Variants in TSC22D1 observed in about 807,000 individuals in gnomAD.
TSC22D1 encodes TSC22 domain family protein 1.
A neutral mutation model predicts 74.2 loss-of-function variants in TSC22D1; 9 were observed. The observed-to-expected ratio is 0.12, with a 90% CI of 0.07 to 0.21. The LOEUF is 0.21. TSC22D1 is among the 10% of genes least tolerant of loss of function. TSC22D1 has a pLI of 1.00. For missense variants in TSC22D1, 1,427 were observed against 1,304.7 expected (o/e 1.09, Z -1.44); for synonymous variants, 586 against 492.5 (o/e 1.19, Z -2.51).
chr13:44,517,852 T>TAC (rs1880112926), intron 1 of TSC22D1, among the ~76,000 whole-genome samples: 1 of 43,602 alleles, frequency 2.3e-5, no homozygotes, highest in Non-Finnish European at 6.0e-5. Flanking sequence ...TATATATATA[T>TAC]ATATATTTTT....
At chr13:44,504,664 T>A (rs1317947096) in intron 1 of TSC22D1, among the ~76,000 whole-genome samples, 1 of 151,596 alleles carries the variant, frequency 6.6e-6, no homozygotes. Flanking sequence ...ATGAAATGTC[T>A]GCCCCAATGA....
rs1880542760 is a variant in TSC22D1 at position 44,526,286 on chromosome 13, A to G, written c.2912+46877T>C. ...TGCTAAGGGCTCTAGTGGAAAAAGT[A>G]GAGAACATGTTAAGAATTGATGGGT... On this transcript the variant is annotated intron_variant, in intron 1 of 2. Transcript: ENST00000458659. 4.6e-5 allele frequency among the ~76,000 whole-genome samples: 7 copies of G among 152,330 alleles called. No homozygotes were observed. In the South Asian group the frequency reaches 1.4e-3, roughly 32 times the overall value.
chr13:44,442,909 T>A, intron 1 of TSC22D1, among the ~76,000 whole-genome samples: 1 of 66,256 alleles, frequency 1.5e-5, no homozygotes, highest in Non-Finnish European at 2.9e-5. Context: ...AGAGCGAGAC[T>A]CTGTCAAAAA....
At chr13:44,550,952 T>A (rs1377592860) in intron 1 of TSC22D1, among the ~76,000 whole-genome samples, 20 of 138,090 alleles carry the variant, frequency 1.4e-4, no homozygotes, top group East Asian at 1.3e-3. Context: ...AAAAAAAAAA[T>A]AAAAATAAAC....
chr13:44,524,428 C>G (rs921338619), intron 1 of TSC22D1, among the ~76,000 whole-genome samples: 1 of 152,132 alleles, frequency 6.6e-6, no homozygotes. Context: ...ATTGCTGAAG[C>G]CAACAACTGG....
At chr13:44,547,164 G>A (rs1156706827) in intron 1 of TSC22D1, among the ~76,000 whole-genome samples, 1 of 151,860 alleles carries the variant, frequency 6.6e-6, no homozygotes, top group African/African-American at 2.4e-5. Flanking sequence ...TACTCGACAC[G>A]CCTATGGAAT....
At chr13:44,499,978 T>C (rs1357058438) in intron 1 of TSC22D1, among the ~76,000 whole-genome samples, 1 of 151,590 alleles carries the variant, frequency 6.6e-6, no homozygotes. Context: ...TCCCAGCTAC[T>C]TGGGAGGCTG....
rs1884228166 is a variant in TSC22D1 at position 44,576,125 on chromosome 13, C to T, written c.-51G>A. On this transcript the variant is annotated 5_prime_UTR_variant, in exon 1 of 3. It adds an upstream start codon to the 5' untranslated region. Coordinates refer to ENST00000458659, the MANE Select transcript of TSC22D1 (RefSeq NM_183422.4). ...GAGACGAGTGCAATTTCCTTCTGCACCGTAATCTTTGTATTGGAGACGCCG... is the reference window on the plus strand; with the variant it reads ...GAGACGAGTGCAATTTCCTTCTGCATCGTAATCTTTGTATTGGAGACGCCG... The T allele has an allele frequency of 1.4e-6, 2 of 1,449,816 alleles. No individual in the cohort carries two copies. The highest frequency in any genetic ancestry group is 2.3e-4 in the Middle Eastern group (1 of 4,286). 89.8% of individuals were successfully genotyped at this position (1,449,816 alleles called of 1,614,324 possible). A position where few individuals can be genotyped will look rare whatever the true frequency, so the allele number is the denominator to read the frequency against.
intron 1 of TSC22D1, among the ~76,000 whole-genome samples, chr13:44,501,985 T>A (rs775707635): frequency 1.3e-5 from 2 of 152,178 alleles, no homozygotes; most frequent in African/African-American, 4.8e-5. Flanking sequence ...AAAAGGTGTA[T>A]CAGTTTACAC....
chr13:44,455,216 G>A (rs145021202), intron 1 of TSC22D1, among the ~76,000 whole-genome samples: 10 of 152,310 alleles, frequency 6.6e-5, no homozygotes, highest in Non-Finnish European at 1.2e-4. Context: ...GAGAAAATGA[G>A]TTTTGAGTAA....
intron 1 of TSC22D1, among the ~76,000 whole-genome samples, chr13:44,513,048 C>A (rs1050647870): frequency 2.0e-5 from 3 of 152,202 alleles, no homozygotes; most frequent in Non-Finnish European, 4.4e-5. Context: ...CACCTCCAGT[C>A]CTAACTTTCA....
At chr13:44,517,829 G>GTGTGTATATA (rs1271183064) in intron 1 of TSC22D1, among the ~76,000 whole-genome samples, 17 of 14,120 alleles carry the variant, frequency 1.2e-3, no homozygotes, top group East Asian at 3.0e-3. Flanking sequence ...GTGTGTGTGT[G>GTGTGTATATA]TATATATATA....
chr13:44,530,169 A>G (rs1356998603), intron 1 of TSC22D1, among the ~76,000 whole-genome samples: 1 of 152,174 alleles, frequency 6.6e-6, no homozygotes, highest in African/African-American at 2.4e-5. Context: ...CTTAGTAAAA[A>G]GCTTCAGTAT....
rs907337899 is a variant in TSC22D1 at position 44,433,103 on chromosome 13, T to C, written c.*1523A>G. 3.3e-5 allele frequency: 5 copies of C among 152,332 alleles called. No individual in the cohort carries two copies. Among genetic ancestry groups the C allele is most frequent in the Non-Finnish European group, 5.9e-5 (4 of 68,050 alleles). 9.4% of individuals were successfully genotyped at this position (152,332 alleles called of 1,614,324 possible). ...GGTTCTTAAAGTGGAAATCAGCTTC[T>C]CCAACTTCCGTCTTTTGATCCTAGA... On this transcript the variant is annotated 3_prime_UTR_variant, in exon 3 of 3. Coordinates refer to ENST00000458659, the MANE Select transcript of TSC22D1 (RefSeq NM_183422.4).
chr13:44,573,795 T>A lies in TSC22D1; in HGVS notation c.2280A>T (p.Pro760=). The A allele has an allele frequency of 6.2e-7, 1 of 1,614,238 alleles. No homozygotes were observed. The highest frequency in any genetic ancestry group is 8.5e-7 in the Non-Finnish European group (1 of 1,180,036). The change falls in exon 1 of 3, where the codon CCA becomes CCT. Residue 760 remains proline (P), a synonymous_variant. Transcript: ENST00000458659. Reference sequence around the variant, plus strand: ...GAGCAGGTGGAACCACTTGCGAAGATGGAGGAGCACCCTGCTGAATAACTG... The same window carrying A: ...GAGCAGGTGGAACCACTTGCGAAGAAGGAGGAGCACCCTGCTGAATAACTG... ...PPSVIQQGAP[P]SSQVVPPAQT... is the part of the protein sequence containing the mutation.
intron 1 of TSC22D1, among the ~76,000 whole-genome samples, chr13:44,567,616 T>C (rs539400738): frequency 1.5e-4 from 22 of 151,278 alleles, no homozygotes; most frequent in Non-Finnish European, 2.5e-4. Flanking sequence ...AAAAAAAAAG[T>C]TCTTGGAATT....
chr13:44,533,259 G>C (rs1005453407), intron 1 of TSC22D1, among the ~76,000 whole-genome samples: 7 of 150,524 alleles, frequency 4.7e-5, no homozygotes, highest in African/African-American at 2.4e-5. Flanking sequence ...TCAGGAGTTC[G>C]AGACCAGCCT....
chr13:44,439,241 C>G (rs1874992747), intron 1 of TSC22D1, among the ~76,000 whole-genome samples: 1 of 152,130 alleles, frequency 6.6e-6, no homozygotes. Flanking sequence ...TACATACATC[C>G]TTGAACATGT....
chr13:44,570,933 GATAA>G (rs1883722050), intron 1 of TSC22D1, among the ~76,000 whole-genome samples: 1 of 152,136 alleles, frequency 6.6e-6, no homozygotes, highest in Admixed American at 6.5e-5. Context: ...AAACTGTAGT[GATAA>G]ATAATCTTCA....
Sources: allele counts gnomAD v4.1 joint callset (sites outside exome capture counted in the v4.1 genomes callset), GRCh38; gene constraint gnomAD v4.1.1; transcripts MANE v1.5; gene names NCBI Gene and HGNC (gene_info 2026-07-23, HGNC 2026-07-21).